Variants in INSR observed in about 807,000 individuals in gnomAD.
INSR encodes IR.
INSR carries 67 observed loss-of-function variants against 142.6 expected under a neutral mutation model. That is an observed-to-expected ratio of 0.47 (90% CI 0.39 to 0.58). INSR has a LOEUF of 0.58. Among genes scored for constraint, INSR ranks in the 20% least tolerant of loss-of-function variants. The probability of loss-of-function intolerance (pLI) is 0.00; values close to 1 mark genes in which losing one functional copy is unlikely to be tolerated. For missense variants in INSR, 1,248 were observed against 1,833.2 expected, an observed-to-expected ratio of 0.68 and a Z score of 5.83; for synonymous variants, 756 against 743.1, an observed-to-expected ratio of 1.02 and a Z score of -0.28.
At chr19:7,153,485 GCACCACACACA>G (rs1004994700) in intron 9 of INSR, among the ~76,000 whole-genome samples, 44 of 100,654 alleles carry the variant, frequency 4.4e-4, no homozygotes, top group African/African-American at 1.3e-3. Context: ...CACCACACAC[GCACCACACACA>G]CACACAGTGA....
intron 2 of INSR, among the ~76,000 whole-genome samples, chr19:7,251,794 A>G (rs2145176560): frequency 6.6e-6 from 1 of 152,154 alleles, no homozygotes; most frequent in East Asian, 1.9e-4. Flanking sequence ...TTGACGTTAG[A>G]GTGAACCATT....
At chr19:7,149,819 TC>T (rs1173652216) in intron 11 of INSR, among the ~76,000 whole-genome samples, 28 of 113,656 alleles carry the variant, frequency 2.5e-4, no homozygotes, top group African/African-American at 8.9e-4. Flanking sequence ...TGAAATTCCA[TC>T]CAAAAAAAAA....
At chr19:7,275,301 A>C (rs894762104) in intron 1 of INSR, among the ~76,000 whole-genome samples, 7 of 151,550 alleles carry the variant, frequency 4.6e-5, no homozygotes, top group African/African-American at 1.7e-4. Context: ...CTAGTCCTCC[A>C]TTTGGTCCAG....
chr19:7,150,615 T>C lies in INSR; in HGVS notation c.2232-83A>G. On this transcript the variant is annotated intron_variant, in intron 10 of 21. Transcript: ENST00000302850. This position sits in a 1 kb window ranked among gnomAD's most constrained non-coding sequence, Gnocchi z 4.2. ...TGGGCTCTGACACTTGGAGGCCACA[T>C]GTGTCCGAGTAAGGGCACCCTGGCT... 1 of 1,349,442 alleles carries C rather than the reference T, an allele frequency of 7.4e-7. No individual in the cohort carries two copies. Among genetic ancestry groups the C allele is most frequent in the Non-Finnish European group, 1.1e-6 (1 of 943,246 alleles). 83.6% of individuals were successfully genotyped at this position (1,349,442 alleles called of 1,614,324 possible).
At chr19:7,206,565 G>T (rs1975109951) in intron 2 of INSR, among the ~76,000 whole-genome samples, 1 of 152,162 alleles carries the variant, frequency 6.6e-6, no homozygotes, top group Non-Finnish European at 1.5e-5. Flanking sequence ...ACCCTATTGT[G>T]AACTGTGCAT....
intron 1 of INSR, among the ~76,000 whole-genome samples, chr19:7,278,399 C>T (rs542607448): frequency 3.3e-5 from 5 of 152,328 alleles, no homozygotes; most frequent in Admixed American, 1.3e-4. Context: ...AGCAAAGATG[C>T]CCCCTCAGGA....
rs897164860 is a variant in INSR at position 7,280,728 on chromosome 19, A to C, written c.101-12832T>G. Among the ~76,000 whole-genome samples the C allele has an allele frequency of 6.7e-5, 10 of 148,960 alleles. No individual in the cohort carries two copies. The East Asian group carries it at 1.7e-3, about 26-fold the overall frequency. On this transcript the variant is annotated intron_variant, in intron 1 of 21. Coordinates refer to ENST00000302850, the MANE Select transcript of INSR (RefSeq NM_000208.4). ...GCGAAACTCCATCTCAAAAAAAAAAACAAAAAACCCAAAAATTAGTCAGGT... is the reference window on the plus strand; with the variant it reads ...GCGAAACTCCATCTCAAAAAAAAAACCAAAAAACCCAAAAATTAGTCAGGT...
chr19:7,189,213 G>A (rs984479060), intron 2 of INSR, among the ~76,000 whole-genome samples: 3 of 152,158 alleles, frequency 2.0e-5, no homozygotes, highest in African/African-American at 7.2e-5. Flanking sequence ...TTCCTGGGCT[G>A]GAGCCACTTC....
chr19:7,152,915 G>A lies in INSR; in HGVS notation c.2042C>T (p.Pro681Leu). ...GAATGGTGGAGACCAGGTCCTCGAG[G>A]GCAGCTTCAGCCCTGGAGAAAGAAA... ...LDYCLKGLKL[P>L]SRTWSPPFES... Residue 681 changes from proline to leucine, a missense_variant, in exon 10 of 22, where the codon CCC becomes CTC. Physicochemically the swap from Pro to Leu is moderately conservative, Grantham distance 98. Around this residue, in one of 3 missense-constraint regions of INSR, gnomAD observed 1,069 missense variants for 1,654.0 expected, o/e 0.65. Coordinates refer to ENST00000302850, the MANE Select transcript of INSR (RefSeq NM_000208.4). The A allele has an allele frequency of 1.9e-6, 3 of 1,611,252 alleles. No individual in the cohort carries two copies. The highest frequency in any genetic ancestry group is 1.3e-5 in the African/African-American group (1 of 74,644).
chr19:7,228,972 TAGAC>T (rs1453643908), intron 2 of INSR, among the ~76,000 whole-genome samples: 44 of 105,234 alleles, frequency 4.2e-4, no homozygotes, highest in African/African-American at 1.7e-3. Context: ...GTTGGCAGAG[TAGAC>T]AGAAGGATGG....
intron 17 of INSR, 179 bp from the exon 18 acceptor site, chr19:7,123,168 A>ATT: frequency 1.2e-5 from 6 of 483,540 alleles, no homozygotes; most frequent in Non-Finnish European, 1.9e-5. Flanking sequence ...AGGCCTTTGT[A>ATT]TTTTTTTTTT....
At chr19:7,179,976 G>A (rs754030363) in intron 3 of INSR, among the ~76,000 whole-genome samples, 6 of 152,140 alleles carry the variant, frequency 3.9e-5, no homozygotes, top group Non-Finnish European at 8.8e-5. Context: ...GAACATTGAG[G>A]TCTGCCCTTC....
chr19:7,123,959 C>T (rs566324767), intron 17 of INSR, among the ~76,000 whole-genome samples: 18 of 150,692 alleles, frequency 1.2e-4, no homozygotes, highest in Non-Finnish European at 2.7e-4. Context: ...TGGTGGCTCA[C>T]GCCTGTAATC....
intron 13 of INSR, among the ~76,000 whole-genome samples, chr19:7,132,748 C>T (rs1045560206): frequency 4.6e-5 from 7 of 151,916 alleles, no homozygotes; most frequent in African/African-American, 9.7e-5. Context: ...CTCACCACCG[C>T]GCCTGCCTAA....
At position 7,166,002 on chromosome 19, in the gene INSR, C is replaced by T; in HGVS notation, c.1861+152G>A. ...CATGATCACCCCACTGCATTGCACT[C>T]TAGCCTGGGTGACAAAGTAAGACCC... On this transcript the variant is annotated intron_variant, in intron 8 of 21. Transcript: ENST00000302850. The surrounding 1 kb of genome is among the most constrained non-coding windows in gnomAD (Gnocchi z 4.1). 1.1e-6 allele frequency: 1 copy of T among 872,032 alleles called. No homozygotes were observed. 54.0% of individuals were successfully genotyped at this position (872,032 alleles called of 1,614,324 possible).
intron 2 of INSR, among the ~76,000 whole-genome samples, chr19:7,203,835 C>T (rs1896639): frequency 0.59 from 89,544 of 151,588 alleles, 27,180 homozygotes; most frequent in African/African-American, 0.76. Flanking sequence ...TTTAGCTTAC[C>T]TCCTGATTCT....
At position 7,184,405 on chromosome 19, in the gene INSR, G is replaced by A; in HGVS notation, c.885C>T (p.Asn295=). 6.2e-7 allele frequency: 1 copy of A among 1,614,076 alleles called. No individual in the cohort carries two copies. The highest frequency in any genetic ancestry group is 8.5e-7 in the Non-Finnish European group (1 of 1,180,014). The part of the protein sequence containing the change: ...FCQDLHHKCK[N]SRRQGCHQYV... Reference sequence around the variant, plus strand: ...ACTGGTGGCAGCCCTGCCTCCGCGAGTTCTTGCATTTGTGGTGCAGGTCCT... The same window carrying A: ...ACTGGTGGCAGCCCTGCCTCCGCGAATTCTTGCATTTGTGGTGCAGGTCCT... Residue 295 remains asparagine, a synonymous_variant, in exon 3 of 22, where the codon AAC becomes AAT. Transcript: ENST00000302850.
intron 2 of INSR, among the ~76,000 whole-genome samples, chr19:7,214,302 C>A (rs543540563): frequency 3.3e-5 from 5 of 152,160 alleles, no homozygotes; most frequent in East Asian, 1.9e-4. Context: ...CTTATTCCCC[C>A]CTGTGCTGGC....
chr19:7,224,605 G>T (rs1975722757), intron 2 of INSR, among the ~76,000 whole-genome samples: 1 of 152,206 alleles, frequency 6.6e-6, no homozygotes, highest in Non-Finnish European at 1.5e-5. Flanking sequence ...AACATACAAA[G>T]AAAGACACTG....
Sources: allele counts gnomAD v4.1 joint callset (sites outside exome capture counted in the v4.1 genomes callset), GRCh38; gene constraint gnomAD v4.1.1; regional missense constraint gnomAD v4.1.1; non-coding constraint Gnocchi (gnomAD v3.1); transcripts MANE v1.5; gene names NCBI Gene and HGNC (gene_info 2026-07-23, HGNC 2026-07-21).